Variants in RYR2 observed in about 807,000 individuals in gnomAD.
The protein encoded by RYR2 is ryanodine receptor 2.
RYR2 carries 227 observed loss-of-function variants against 601.1 expected under a neutral mutation model. The observed-to-expected ratio is 0.38, with a 90% CI of 0.34 to 0.42. The LOEUF is 0.42. RYR2 is among the 10% of genes least tolerant of loss of function. The probability of loss-of-function intolerance (pLI) is 1.00; values close to 1 mark genes in which losing one functional copy is unlikely to be tolerated. For synonymous variants in RYR2, 2,223 were observed against 2,175.1 expected (o/e 1.02, Z -0.61); for missense variants, 4,646 against 6,156.5 (o/e 0.75, Z 8.21).
At chr1:237,521,417 T>C (rs1286503980) in intron 24 of RYR2, among the ~76,000 whole-genome samples, 4 of 152,118 alleles carry the variant, frequency 2.6e-5, no homozygotes, top group African/African-American at 9.7e-5. Flanking sequence ...TTAAAATCCC[T>C]TAATGGGGCC....
In RYR2 at chr1:237,138,016, A is replaced by ATATTTTATTTTATTT. The variant is rs376745141; in HGVS notation, c.48+95464_48+95478dup. Among the ~76,000 whole-genome samples, 1,484 of 151,484 alleles carry ATATTTTATTTTATTT rather than the reference A, an allele frequency of 9.8e-3. 25 individuals are homozygous for ATATTTTATTTTATTT. The highest frequency in any genetic ancestry group is 0.034 in the African/African-American group (1,404 of 41,026). ...TAATTTTACCACTTTTGCACTGGAT[A>ATATTTTATTTTATTT]TATTTTATTTTATTTTATTTTATTT... On this transcript the variant is annotated intron_variant, in intron 1 of 104. Transcript: ENST00000366574.
rs77835910 is a variant in RYR2 at position 237,699,985 on chromosome 1, G to A, written c.9129-244G>A. 5.7e-3 allele frequency among the ~76,000 whole-genome samples: 863 copies of A among 152,320 alleles called. 5 individuals carry two copies. The highest frequency in any genetic ancestry group is 0.014 in the Middle Eastern group (4 of 294). Reference sequence around the variant, plus strand: ...CGTTAGTGATAAGCATACAGCATTAGCACAGACTTTTGCAGCAAGGTTTTA... The same window carrying A: ...CGTTAGTGATAAGCATACAGCATTAACACAGACTTTTGCAGCAAGGTTTTA... On this transcript the variant is annotated intron_variant, in intron 64 of 104. Coordinates refer to ENST00000366574, the MANE Select transcript of RYR2 (RefSeq NM_001035.3).
At chr1:237,706,880 T>C (rs1688423465) in intron 67 of RYR2, 69 bp from the exon 68 acceptor site, 8 of 1,326,022 alleles carry the variant, frequency 6.0e-6, no homozygotes, top group African/African-American at 1.5e-5. Flanking sequence ...AATAGTTGCC[T>C]GTGGAAATCC....
rs138081011 is a variant in RYR2, at chr1:237,440,089, C to T, written c.1006-1230C>T. Among the ~76,000 whole-genome samples the T allele has an allele frequency of 2.8e-3, 432 of 152,198 alleles. 1 individual carries two copies. The highest frequency in any genetic ancestry group is 9.9e-3 in the African/African-American group (411 of 41,524). ...TATATATTTTCTTAGTTGACCTTGA[C>T]ATTTTGTGTTAAAAATTTCAACTCA... On this transcript the variant is annotated intron_variant, in intron 12 of 104. Coordinates refer to ENST00000366574, the MANE Select transcript of RYR2 (RefSeq NM_001035.3).
chr1:237,649,287 G>A (rs916381258), intron 49 of RYR2, among the ~76,000 whole-genome samples: 38 of 152,238 alleles, frequency 2.5e-4, no homozygotes, highest in African/African-American at 7.9e-4. Context: ...GACTTGAGCC[G>A]ACAGTAGCCC....
At chr1:237,635,060 A>T in intron 44 of RYR2, 68 bp downstream of exon 44, 1 of 1,218,758 alleles carries the variant, frequency 8.2e-7, no homozygotes. Flanking sequence ...CAATATTTTA[A>T]ATATAAGTAA....
intron 35 of RYR2, among the ~76,000 whole-genome samples, chr1:237,607,691 A>G (rs971826784): frequency 2.6e-5 from 4 of 152,248 alleles, no homozygotes; most frequent in African/African-American, 9.6e-5. Flanking sequence ...AGTTTGGACA[A>G]TTTGACCATG....
At chr1:237,131,261 A>G (rs1241231850) in intron 1 of RYR2, among the ~76,000 whole-genome samples, 1 of 152,098 alleles carries the variant, frequency 6.6e-6, no homozygotes, top group Non-Finnish European at 1.5e-5. Flanking sequence ...ACTGTATACT[A>G]GATCAACTCA....
At chr1:237,520,629 C>T (rs187622687) in intron 24 of RYR2, among the ~76,000 whole-genome samples, 6 of 152,226 alleles carry the variant, frequency 3.9e-5, no homozygotes, top group Non-Finnish European at 1.5e-5. Context: ...GATGTTGAAC[C>T]ATCCTTGTGT....
At chr1:237,733,840 A>G (rs1034888546) in intron 79 of RYR2, 84 bp downstream of exon 79, 3 of 912,868 alleles carry the variant, frequency 3.3e-6, no homozygotes, top group Admixed American at 2.2e-5. Flanking sequence ...GAATCTGTGT[A>G]TTTCATTAAT....
At chr1:237,697,483 G>C (rs983000200) in intron 63 of RYR2, among the ~76,000 whole-genome samples, 2 of 139,436 alleles carry the variant, frequency 1.4e-5, no homozygotes, top group Admixed American at 1.5e-4. Flanking sequence ...TATATTTATA[G>C]AAATATATAT....
intron 1 of RYR2, among the ~76,000 whole-genome samples, chr1:237,091,787 T>C (rs548739556): frequency 6.6e-6 from 1 of 152,302 alleles, no homozygotes; most frequent in Admixed American, 6.5e-5. Context: ...CTCCTTCCTC[T>C]GAGTCCTATC....
At chr1:237,679,156 CTG>C (rs1435266615) in intron 61 of RYR2, among the ~76,000 whole-genome samples, 8 of 152,166 alleles carry the variant, frequency 5.3e-5, no homozygotes, top group African/African-American at 1.7e-4. Context: ...TCTCCGGTCT[CTG>C]TGAGATTGTA....
At chr1:237,760,052 G>T (rs1195292028) in intron 83 of RYR2, among the ~76,000 whole-genome samples, 200 bp downstream of exon 83, 1 of 151,890 alleles carries the variant, frequency 6.6e-6, no homozygotes, top group Admixed American at 6.6e-5. Context: ...TTACAGAATG[G>T]TAATAATGTC....
At chr1:237,688,020 C>T (rs777819573) in intron 63 of RYR2, among the ~76,000 whole-genome samples, 1 of 152,198 alleles carries the variant, frequency 6.6e-6, no homozygotes, top group East Asian at 1.9e-4. Flanking sequence ...GCTTTTCTAG[C>T]ACCACTCACT....
At chr1:237,593,328 C>A in intron 32 of RYR2, 148 bp from the exon 33 acceptor site, 1 of 631,592 alleles carries the variant, frequency 1.6e-6, no homozygotes, top group Non-Finnish European at 2.5e-6. Context: ...TCCTTTGTGC[C>A]TACAATATTT....
chr1:237,515,646 C>CT (rs1666354648), intron 24 of RYR2, among the ~76,000 whole-genome samples: 2 of 133,698 alleles, frequency 1.5e-5, no homozygotes, highest in Admixed American at 7.8e-5. Context: ...ATCACCCACC[C>CT]CTTCCCTCCC....
At chr1:237,634,717 TTTTA>T (rs1262052588) in intron 43 of RYR2, among the ~76,000 whole-genome samples, 168 bp from the exon 44 acceptor site, 1 of 147,302 alleles carries the variant, frequency 6.8e-6, no homozygotes, top group African/African-American at 2.6e-5. Flanking sequence ...TATATACAAT[TTTTA>T]TTTGTCAATT....
intron 80 of RYR2, among the ~76,000 whole-genome samples, chr1:237,752,879 T>C (rs978392638): frequency 6.6e-6 from 1 of 152,238 alleles, no homozygotes; most frequent in Non-Finnish European, 1.5e-5. Flanking sequence ...TAAGGAGTTT[T>C]GTTCCTGGAT....
Sources: allele counts gnomAD v4.1 joint callset (sites outside exome capture counted in the v4.1 genomes callset), GRCh38; gene constraint gnomAD v4.1.1; transcripts MANE v1.5; gene names NCBI Gene and HGNC (gene_info 2026-07-23, HGNC 2026-07-21).